NBAS: variants seen among roughly 807,000 people sequenced by gnomAD.
NBAS encodes the protein NAG/BC035112 fusion.
A neutral mutation model predicts 302.5 loss-of-function variants in NBAS; 219 were observed. The observed-to-expected ratio is 0.72, with a 90% CI of 0.65 to 0.81. The LOEUF (loss-of-function observed/expected upper bound fraction) is 0.81, where lower values mean the gene tolerates loss of function less well. Ranked by LOEUF, NBAS falls within the 30% of genes least tolerant of loss-of-function variation. NBAS has a pLI of 0.00. For missense variants in NBAS, 2,932 were observed against 2,841.6 expected (o/e 1.03, Z -0.72); for synonymous variants, 1,118 against 1,021.6 (o/e 1.09, Z -1.80).
At chr2:15,083,950 G>C in the NBAS span, among the ~76,000 whole-genome samples, 1 of 152,118 alleles carries the variant, frequency 6.6e-6, no homozygotes, top group African/African-American at 2.4e-5. Context: ...TGCAGACTAG[G>C]TTTGTTTGCT....
At chr2:15,093,137 C>G in the NBAS span, among the ~76,000 whole-genome samples, 1 of 152,044 alleles carries the variant, frequency 6.6e-6, no homozygotes, top group Non-Finnish European at 1.5e-5. Context: ...ATTATTGGGC[C>G]GAGTGCAGTG....
chr2:14,935,063 G>A, the NBAS span, among the ~76,000 whole-genome samples: 87 of 152,200 alleles, frequency 5.7e-4, no homozygotes, highest in Middle Eastern at 0.014. Context: ...CTTTCTATGT[G>A]AAAATTCAAC....
rs2148720613 is a variant in NBAS, at chr2:15,558,984, G to A, written c.118-350C>T. ...CTTGGGAAGCTGAGGTGACCCAGGA[G>A]GTTGAAGCTACGAAGCTACAGTGAG... On this transcript the variant is annotated intron_variant, in intron 1 of 51. Coordinates refer to ENST00000281513, the MANE Select transcript of NBAS (RefSeq NM_015909.4). Among the ~76,000 whole-genome samples the A allele has an allele frequency of 2.1e-5, 3 of 146,002 alleles. No homozygotes were observed. The East Asian group carries it at 6.1e-4, about 30-fold the overall frequency.
At chr2:15,470,442 G>C (rs965265464) in intron 16 of NBAS, among the ~76,000 whole-genome samples, 1 of 152,156 alleles carries the variant, frequency 6.6e-6, no homozygotes, top group Non-Finnish European at 1.5e-5. Flanking sequence ...TTGATGTACA[G>C]AGCTCATTTA....
rs569774640 is a variant in NBAS at position 15,345,821 on chromosome 2, G to A, written c.4179+6171C>T. On this transcript the variant is annotated intron_variant, in intron 35 of 51. Coordinates refer to ENST00000281513, the MANE Select transcript of NBAS (RefSeq NM_015909.4). ...ACCAAAACAGACATATAGACCAAAG[G>A]AACAGAACAGAGACCTCACAAATAC... 2.0e-5 allele frequency among the ~76,000 whole-genome samples: 3 copies of A among 152,220 alleles called. No individual in the cohort carries two copies. In the East Asian group the frequency reaches 5.8e-4, roughly 29 times the overall value.
At chr2:15,218,999 A>T in intron 47 of NBAS, 31 bp from the exon 48 acceptor site, 2 of 1,612,554 alleles carry the variant, frequency 1.2e-6, no homozygotes, top group Non-Finnish European at 1.7e-6. Context: ...GTATCTGTAA[A>T]CTCCTAAGCC....
the NBAS span, among the ~76,000 whole-genome samples, chr2:14,840,931 A>T: frequency 9.2e-5 from 14 of 152,214 alleles, no homozygotes; most frequent in African/African-American, 2.9e-4. Flanking sequence ...CTCTGGTATG[A>T]AGCCAGACAG....
chr2:15,123,819 T>C, the NBAS span, among the ~76,000 whole-genome samples: 25 of 152,146 alleles, frequency 1.6e-4, no homozygotes, highest in Non-Finnish European at 2.4e-4. Flanking sequence ...TTATCTAGCC[T>C]CAAGTATTTA....
chr2:14,920,146 A>G, the NBAS span, among the ~76,000 whole-genome samples: 3 of 152,220 alleles, frequency 2.0e-5, no homozygotes, highest in African/African-American at 7.2e-5. Context: ...CAGAATGGAT[A>G]TTGTGGCAGC....
Position 15,476,365 on chromosome 2 carries a change from A to C in NBAS, c.1148-485T>G, listed in dbSNP as rs576331254. On this transcript the variant is annotated intron_variant, in intron 13 of 51. Coordinates refer to ENST00000281513, the MANE Select transcript of NBAS (RefSeq NM_015909.4). ...AGTTTCCAGTGCTGATTTCCTCTTA[A>C]ACTTGTAACTAATCAGAGAGGGAAA... 7.5e-4 allele frequency among the ~76,000 whole-genome samples: 115 copies of C among 152,320 alleles called. 1 individual carries two copies. Among genetic ancestry groups the C allele is most frequent in the African/African-American group, 2.5e-3 (105 of 41,568 alleles).
chr2:15,494,016 G>C (rs931593829), intron 11 of NBAS, among the ~76,000 whole-genome samples: 7 of 151,966 alleles, frequency 4.6e-5, no homozygotes, highest in African/African-American at 1.5e-4. Flanking sequence ...AGTAGAGATA[G>C]GGTTTCACCA....
At chr2:15,162,610 C>A (rs1663925580), downstream of NBAS, among the ~76,000 whole-genome samples, 1 of 152,174 alleles carries the variant, frequency 6.6e-6, no homozygotes. Flanking sequence ...GTGGTAGTCG[C>A]AAGTCTAAGA....
chr2:15,123,696 C>G, the NBAS span, among the ~76,000 whole-genome samples: 10 of 152,160 alleles, frequency 6.6e-5, no homozygotes, highest in African/African-American at 2.4e-4. Flanking sequence ...CTCCCTGTTG[C>G]CTTCTACTAT....
At chr2:15,167,769 C>T (rs748373407) in intron 51 of NBAS, among the ~76,000 whole-genome samples, 13 of 152,204 alleles carry the variant, frequency 8.5e-5, no homozygotes, top group Non-Finnish European at 1.5e-5. Flanking sequence ...TTAACAACCA[C>T]ATTTACTGTT....
At chr2:15,515,254 A>G (rs746090441) in intron 9 of NBAS, among the ~76,000 whole-genome samples, 4 of 152,190 alleles carry the variant, frequency 2.6e-5, no homozygotes, top group African/African-American at 7.2e-5. Flanking sequence ...AAAAAAAGGA[A>G]GAACACATGG....
the NBAS span, among the ~76,000 whole-genome samples, chr2:15,141,942 T>G: frequency 1.3e-5 from 2 of 152,234 alleles, no homozygotes; most frequent in Non-Finnish European, 2.9e-5. Context: ...AATGAGCTCT[T>G]GAAATTCAGA....
At chr2:15,411,975 A>G (rs1676709338) in intron 25 of NBAS, among the ~76,000 whole-genome samples, 1 of 152,178 alleles carries the variant, frequency 6.6e-6, no homozygotes, top group Admixed American at 6.5e-5. Flanking sequence ...CTTTCCAAGG[A>G]GGAATCCAAG....
rs537903578 is a variant in NBAS at position 15,474,093 on chromosome 2, T to A, written c.1573A>T (p.Thr525Ser). The A allele has an allele frequency of 2.4e-5, 39 of 1,614,222 alleles. No individual in the cohort carries two copies. The South Asian group carries it at 4.1e-4, about 17-fold the overall frequency. The change falls in exon 15 of 52, where the codon ACA becomes TCA. Residue 525 changes from threonine (T) to serine (S), a missense_variant. Coordinates refer to ENST00000281513, the MANE Select transcript of NBAS (RefSeq NM_015909.4). ...TTCCTCTGATAAAGTTCCTCTGGTGTCGTGGAGCGCAAACTCACAAGGCGG... is the reference window on the plus strand; with the variant it reads ...TTCCTCTGATAAAGTTCCTCTGGTGACGTGGAGCGCAAACTCACAAGGCGG... ...NYRLVSLRST[T>S]PEELYQRKIE...
intron 19 of NBAS, among the ~76,000 whole-genome samples, chr2:15,464,904 C>T (rs1572890416): frequency 1.3e-5 from 2 of 152,190 alleles, no homozygotes; most frequent in Admixed American, 1.3e-4. Context: ...GCTTTCATGC[C>T]ACTGGGCCTT....
Sources: allele counts gnomAD v4.1 joint callset (sites outside exome capture counted in the v4.1 genomes callset), GRCh38; gene constraint gnomAD v4.1.1; transcripts MANE v1.5; gene names NCBI Gene and HGNC (gene_info 2026-07-23, HGNC 2026-07-21).